The following PIGK variants were observed in gnomAD, a reference collection of about 807,000 sequenced individuals.
PIGK encodes GPI-anchor transamidase.
A neutral mutation model predicts 50.6 loss-of-function variants in PIGK; 42 were observed. That is an observed-to-expected ratio of 0.83 (90% CI 0.65 to 1.07). PIGK has a LOEUF of 1.07. Among genes scored for constraint, PIGK ranks in the 50% least tolerant of loss-of-function variants. PIGK has a pLI of 0.00. For missense variants in PIGK, 448 were observed against 488.7 expected, an observed-to-expected ratio of 0.92 and a Z score of 0.78; for synonymous variants, 151 against 156.0, an observed-to-expected ratio of 0.97 and a Z score of 0.24.
rs563237849 is a variant in PIGK, at chr1:77,212,331, T to G, written c.94-1842A>C. 1.0e-3 allele frequency among the ~76,000 whole-genome samples: 158 copies of G among 152,176 alleles called. 1 individual carries two copies. The highest frequency in any genetic ancestry group is 1.8e-3 in the Non-Finnish European group (123 of 68,012). ...ACAGGAAAGTTCTTTAACTTTTCTGTGCCTCCAAATCTCCATCTATAAAAC... is the reference window on the plus strand; with the variant it reads ...ACAGGAAAGTTCTTTAACTTTTCTGGGCCTCCAAATCTCCATCTATAAAAC... On this transcript the variant is annotated intron_variant, in intron 1 of 10. Transcript: ENST00000370812.
intron 5 of PIGK, among the ~76,000 whole-genome samples, chr1:77,164,512 T>C (rs1365519913): frequency 6.6e-6 from 1 of 152,068 alleles, no homozygotes; most frequent in Non-Finnish European, 1.5e-5. Context: ...TTTGCACAGG[T>C]TTTTAAAAGG....
At chr1:77,206,574 T>C (rs991815389) in intron 3 of PIGK, 66 bp downstream of exon 3, 21 of 874,194 alleles carry the variant, frequency 2.4e-5, no homozygotes, top group Non-Finnish European at 3.5e-5. Flanking sequence ...AATACAAATA[T>C]AATAACAATT....
chr1:77,107,433 A>C lies in PIGK; in HGVS notation c.1071+14842T>G, dbSNP rs144110635. ...TTTCTTAATCCTGAGTTCTAGTTTG[A>C]TTGCACTGTGGTCTGAGAGACACTT... On this transcript the variant is annotated intron_variant, in intron 10 of 10. Transcript: ENST00000370812. Among the ~76,000 whole-genome samples the C allele has an allele frequency of 0.014, 2,140 of 152,200 alleles. 262 individuals are homozygous for C. The East Asian group carries it at 0.31, about 22-fold the overall frequency.
intron 2 of PIGK, among the ~76,000 whole-genome samples, chr1:77,207,028 G>A (rs1216306042): frequency 6.6e-6 from 1 of 152,112 alleles, no homozygotes; most frequent in Non-Finnish European, 1.5e-5. Context: ...TTACCCAGGT[G>A]TGGTGGCGTG....
At chr1:77,187,117 T>G (rs573914950) in intron 3 of PIGK, among the ~76,000 whole-genome samples, 3 of 152,308 alleles carry the variant, frequency 2.0e-5, no homozygotes, top group African/African-American at 7.2e-5. Flanking sequence ...AGTGGGCTCG[T>G]GCTCATGGAA....
intron 3 of PIGK, among the ~76,000 whole-genome samples, chr1:77,178,175 G>A (rs1655529681): frequency 6.6e-6 from 1 of 152,110 alleles, no homozygotes. Context: ...AAAAAATGAA[G>A]GCCCAATGTA....
chr1:77,181,612 C>G lies in PIGK; in HGVS notation c.240-12217G>C, dbSNP rs1358052939. On this transcript the variant is annotated intron_variant, in intron 3 of 10. Transcript: ENST00000370812. Reference sequence around the variant, plus strand: ...GCTTATCTTCCAGAAAAGCATCATCCCAAGCTAGAATAGTAACTGAAATTA... The same window carrying G: ...GCTTATCTTCCAGAAAAGCATCATCGCAAGCTAGAATAGTAACTGAAATTA... Among the ~76,000 whole-genome samples the G allele has an allele frequency of 3.3e-5, 5 of 152,170 alleles. No homozygotes were observed. The South Asian group carries it at 1.0e-3, about 32-fold the overall frequency.
chr1:77,096,906 G>GT lies in PIGK; in HGVS notation c.1072-4417dup, dbSNP rs1367843906. Among the ~76,000 whole-genome samples, 539 of 105,868 alleles carry GT rather than the reference G, an allele frequency of 5.1e-3. 2 individuals are homozygous for GT. Among genetic ancestry groups the GT allele is most frequent in the Middle Eastern group, 0.027 (5 of 186 alleles). The allele number at this position is 105,868 out of a possible 152,430, so 69.5% of individuals were successfully genotyped here. ...CTTTTTTTTTTTTTTTTGTTTTTTT[G>GT]TTTTTTTGTTTTGTTTTGTTTTGTT... On this transcript the variant is annotated intron_variant, in intron 10 of 10. Coordinates refer to ENST00000370812, the MANE Select transcript of PIGK (RefSeq NM_005482.3).
At chr1:77,148,701 G>C (rs1178682459) in intron 9 of PIGK, among the ~76,000 whole-genome samples, 1 of 151,044 alleles carries the variant, frequency 6.6e-6, no homozygotes, top group Non-Finnish European at 1.5e-5. Context: ...AGTTACGTTA[G>C]CATCAGTTTT....
At chr1:77,173,788 T>A (rs1655419234) in intron 3 of PIGK, among the ~76,000 whole-genome samples, 1 of 152,230 alleles carries the variant, frequency 6.6e-6, no homozygotes, top group South Asian at 2.1e-4. Flanking sequence ...CCCAGCAAGC[T>A]GGTCAATAAC....
At chr1:77,189,552 C>A (rs1424333900) in intron 3 of PIGK, among the ~76,000 whole-genome samples, 1 of 151,904 alleles carries the variant, frequency 6.6e-6, no homozygotes, top group Non-Finnish European at 1.5e-5. Context: ...CAGCTGACAT[C>A]TTTCTCCCAT....
rs2100557200 is a variant in PIGK, at chr1:77,163,906, G to C, written c.524C>G (p.Ser175Cys). 1 of 1,608,516 alleles carries C rather than the reference G, an allele frequency of 6.2e-7. No individual in the cohort carries two copies. The highest frequency in any genetic ancestry group is 1.1e-5 in the South Asian group (1 of 90,102). The change falls in exon 6 of 11, where the codon TCT (serine) becomes TGT (cysteine). Residue 175 changes from serine (S) to cysteine (C), a missense_variant. Coordinates refer to ENST00000370812, the MANE Select transcript of PIGK (RefSeq NM_005482.3). ...GGNGFLKFQD[S>C]EEITNIELAD... is the part of the protein sequence containing the mutation. ...GAGTTCTATGTTGGTAATTTCTTCA[G>C]AATCTTGAAATTTTAAGAAACCATT... is the stretch of plus-strand genomic sequence containing the variant.
At position 77,196,684 on chromosome 1, in the gene PIGK, GTTGT is replaced by G. The variant is rs372768868; in HGVS notation, c.239+9952_239+9955del. On this transcript the variant is annotated intron_variant, in intron 3 of 10. Coordinates refer to ENST00000370812, the MANE Select transcript of PIGK (RefSeq NM_005482.3). ...GGGTTATTTGGTTTTTGCTTGTTGA[GTTGT>G]TTATGTTCCTTATAGATTCTAGAAA... is the stretch of plus-strand genomic sequence containing the variant. 6.0e-4 allele frequency among the ~76,000 whole-genome samples: 92 copies of G among 152,080 alleles called. 1 individual carries two copies. The highest frequency in any genetic ancestry group is 2.0e-3 in the African/African-American group (84 of 41,530).
intron 10 of PIGK, among the ~76,000 whole-genome samples, chr1:77,121,487 A>C (rs1557798142): frequency 6.6e-6 from 1 of 152,214 alleles, no homozygotes. Flanking sequence ...CATATCAGCT[A>C]AATAAAAATT....
chr1:77,157,911 T>C (rs938107856), intron 8 of PIGK, among the ~76,000 whole-genome samples: 1 of 152,236 alleles, frequency 6.6e-6, no homozygotes, highest in African/African-American at 2.4e-5. Context: ...ACTGCCACCA[T>C]GTAAGATGTG....
chr1:77,215,707 T>C (rs986806659), intron 1 of PIGK, among the ~76,000 whole-genome samples: 1 of 152,148 alleles, frequency 6.6e-6, no homozygotes, highest in African/African-American at 2.4e-5. Flanking sequence ...AGCAAATGTG[T>C]GTGTGTGCGT....
chr1:77,180,045 C>G (rs1408720591), intron 3 of PIGK, among the ~76,000 whole-genome samples: 1 of 151,992 alleles, frequency 6.6e-6, no homozygotes, highest in Non-Finnish European at 1.5e-5. Context: ...AGAAGCTACT[C>G]TAAAGACATA....
chr1:77,110,344 A>G (rs1653809342), intron 10 of PIGK, among the ~76,000 whole-genome samples: 1 of 152,100 alleles, frequency 6.6e-6, no homozygotes, highest in Admixed American at 6.5e-5. Context: ...GCATCACACT[A>G]CCTGACTTCA....
At chr1:77,111,080 T>C (rs1653829598) in intron 10 of PIGK, among the ~76,000 whole-genome samples, 1 of 152,124 alleles carries the variant, frequency 6.6e-6, no homozygotes, top group South Asian at 2.1e-4. Context: ...CCAGTTAGAA[T>C]GGCGATCATT....
Sources: gnomAD v4.1 joint callset for allele counts (sites outside exome capture counted in the v4.1 genomes callset) on GRCh38, gnomAD v4.1.1 for gene constraint, MANE v1.5 for transcripts, NCBI Gene and HGNC (gene_info 2026-07-23, HGNC 2026-07-21) for gene names.